Variants in ZNF521 observed in about 807,000 individuals in gnomAD.
ZNF521 encodes zinc finger protein 521, also known as LYST-interacting protein 3.
ZNF521 carries 14 observed loss-of-function variants against 105.5 expected under a neutral mutation model. The ratio of observed to expected loss-of-function variants is 0.13; its 90% CI spans 0.09 to 0.21. The LOEUF (loss-of-function observed/expected upper bound fraction) is 0.21. Among genes scored for constraint, ZNF521 ranks in the 10% least tolerant of loss-of-function variants. ZNF521 has a pLI of 1.00. For missense variants in ZNF521, 1,233 were observed against 1,629.7 expected, an observed-to-expected ratio of 0.76 and a Z score of 4.19; for synonymous variants, 635 against 606.0, an observed-to-expected ratio of 1.05 and a Z score of -0.70.
chr18:25,183,300 T>G (rs1232864823), intron 5 of ZNF521, among the ~76,000 whole-genome samples: 1 of 152,184 alleles, frequency 6.6e-6, no homozygotes, highest in Non-Finnish European at 1.5e-5. Flanking sequence ...TCAATTGATG[T>G]TAGGACAGCT....
At chr18:25,303,271 CGTGT>C (rs756904913) in intron 3 of ZNF521, among the ~76,000 whole-genome samples, 4,371 of 132,654 alleles carry the variant, frequency 0.033, 89 homozygotes, top group Middle Eastern at 0.069. Context: ...TTCTTTCTTT[CGTGT>C]GTGTGTGTGT....
intron 7 of ZNF521, among the ~76,000 whole-genome samples, chr18:25,073,487 A>G (rs1599964298): frequency 6.6e-6 from 1 of 152,198 alleles, no homozygotes; most frequent in Non-Finnish European, 1.5e-5. Flanking sequence ...TTAGTTACAC[A>G]CTGAAAGATG....
chr18:25,109,088 AT>A (rs950373908), intron 5 of ZNF521, among the ~76,000 whole-genome samples: 2 of 152,010 alleles, frequency 1.3e-5, no homozygotes, highest in African/African-American at 2.4e-5. Context: ...CTCAATAGGT[AT>A]TTTTTTAACC....
At chr18:25,076,413 C>G (rs1377858482) in intron 7 of ZNF521, among the ~76,000 whole-genome samples, 1 of 152,132 alleles carries the variant, frequency 6.6e-6, no homozygotes, top group African/African-American at 2.4e-5. Context: ...TTAAAGTTGT[C>G]ACCAAAAATT....
chr18:25,208,021 A>G (rs62083904), intron 4 of ZNF521, among the ~76,000 whole-genome samples: 9,747 of 152,114 alleles, frequency 0.064, 401 homozygotes, highest in East Asian at 0.16. Context: ...GACATCTTGC[A>G]AGGAAAGCAC....
chr18:25,318,292 T>C (rs924949343), intron 3 of ZNF521, among the ~76,000 whole-genome samples: 1 of 152,082 alleles, frequency 6.6e-6, no homozygotes, highest in Admixed American at 6.5e-5. Flanking sequence ...TTAAAACAGC[T>C]CAAAAACTGG....
intron 3 of ZNF521, among the ~76,000 whole-genome samples, chr18:25,269,742 T>C (rs1427269859): frequency 1.3e-5 from 2 of 152,060 alleles, no homozygotes; most frequent in Non-Finnish European, 2.9e-5. Context: ...TTCAAACCAA[T>C]GAGAACAAAG....
Position 25,224,962 on chromosome 18 carries a change from C to T in ZNF521, c.2956G>A (p.Asp986Asn). 6.2e-7 allele frequency: 1 copy of T among 1,614,004 alleles called. No individual in the cohort carries two copies. The highest frequency in any genetic ancestry group is 8.5e-7 in the Non-Finnish European group (1 of 1,180,018). Residue 986 changes from aspartate (D) to asparagine (N), a missense_variant, in exon 4 of 8, where the codon GAT (aspartate) becomes AAT (asparagine). Asp to Asn is a conservative substitution (Grantham distance 23). Coordinates refer to ENST00000361524, the MANE Select transcript of ZNF521 (RefSeq NM_015461.3). ...TTGCAAATCCGGCAGTTTCCAGTAT[C>T]AAGACTCTTACTATGCGTGACTTTG... is the stretch of plus-strand genomic sequence containing the variant. ...EHKVTHSKSLDTGNCRICKMP... is the reference protein window; with the variant it reads ...EHKVTHSKSLNTGNCRICKMP...
At chr18:25,190,024 T>C (rs1031920687) in intron 5 of ZNF521, among the ~76,000 whole-genome samples, 4 of 152,144 alleles carry the variant, frequency 2.6e-5, no homozygotes, top group African/African-American at 9.7e-5. Flanking sequence ...TACAGATGGC[T>C]ATTAAAGAGA....
rs1422423635 is a variant in ZNF521 at position 25,225,806 on chromosome 18, T to C, written c.2112A>G (p.Thr704=). Residue 704 remains threonine (T), a synonymous_variant, in exon 4 of 8, where the codon ACA becomes ACG. Coordinates refer to ENST00000361524, the MANE Select transcript of ZNF521 (RefSeq NM_015461.3). This position sits in a 1 kb window ranked among gnomAD's most constrained non-coding sequence, Gnocchi z 5.6. The part of the protein sequence containing the change: ...YICESCDKQF[T]SVDDLQKHLL... ...GGTGTTTCTGAAGGTCATCCACTGA[T>C]GTGAATTGCTTGTCACAACTCTCAC... 3 of 1,614,256 alleles carry C rather than the reference T, an allele frequency of 1.9e-6. No homozygotes were observed. Among genetic ancestry groups the C allele is most frequent in the Non-Finnish European group, 2.5e-6 (3 of 1,180,042 alleles).
intron 7 of ZNF521, among the ~76,000 whole-genome samples, chr18:25,081,744 A>G (rs986350848): frequency 2.6e-5 from 4 of 152,206 alleles, no homozygotes; most frequent in Non-Finnish European, 5.9e-5. Flanking sequence ...AAAAAGCCAA[A>G]TAAAACTATC....
chr18:25,100,157 C>G (rs2033939470), intron 5 of ZNF521, among the ~76,000 whole-genome samples: 1 of 150,854 alleles, frequency 6.6e-6, no homozygotes, highest in Non-Finnish European at 1.5e-5. Flanking sequence ...AGGAGAAAGT[C>G]TCCAAACACT....
intron 7 of ZNF521, among the ~76,000 whole-genome samples, chr18:25,083,116 C>T (rs2033539854): frequency 6.6e-6 from 1 of 152,100 alleles, no homozygotes; most frequent in African/African-American, 2.4e-5. Flanking sequence ...TTGTCTTAGC[C>T]ACACCTCCGT....
chr18:25,310,734 T>C (rs1912259131), intron 3 of ZNF521, among the ~76,000 whole-genome samples: 1 of 152,154 alleles, frequency 6.6e-6, no homozygotes, highest in African/African-American at 2.4e-5. Context: ...GACCCTGTTA[T>C]TTTCTTGGTT....
At chr18:25,216,235 C>T (rs1235314718) in intron 4 of ZNF521, among the ~76,000 whole-genome samples, 4 of 152,080 alleles carry the variant, frequency 2.6e-5, no homozygotes, top group Non-Finnish European at 4.4e-5. Context: ...TGCACATTTC[C>T]ATCTTCCATA....
At chr18:25,160,639 C>CGAAACACA (rs2035234339) in intron 5 of ZNF521, among the ~76,000 whole-genome samples, 1 of 152,136 alleles carries the variant, frequency 6.6e-6, no homozygotes, top group African/African-American at 2.4e-5. Flanking sequence ...TATGTGTTCT[C>CGAAACACA]TAGGTTTTGT....
intron 3 of ZNF521, among the ~76,000 whole-genome samples, chr18:25,255,986 G>C (rs1031654307): frequency 6.8e-6 from 1 of 146,228 alleles, no homozygotes; most frequent in Non-Finnish European, 1.5e-5. Context: ...TATATACATG[G>C]TATATATATG....
chr18:25,133,745 C>T (rs905622199), intron 5 of ZNF521, among the ~76,000 whole-genome samples: 15 of 151,940 alleles, frequency 9.9e-5, no homozygotes, highest in African/African-American at 3.4e-4. Context: ...TATTTTGAGT[C>T]GACAGCAGCT....
chr18:25,071,195 T>C (rs7245191), intron 7 of ZNF521, among the ~76,000 whole-genome samples: 2 of 152,238 alleles, frequency 1.3e-5, no homozygotes, highest in Non-Finnish European at 2.9e-5. Context: ...CATGAGACTG[T>C]ACTGCAGTAA....
Sources: allele counts gnomAD v4.1 joint callset (sites outside exome capture counted in the v4.1 genomes callset), GRCh38; gene constraint gnomAD v4.1.1; non-coding constraint Gnocchi (gnomAD v3.1); transcripts MANE v1.5; gene names NCBI Gene and HGNC (gene_info 2026-07-23, HGNC 2026-07-21).